Variants in F5 observed in about 807,000 individuals in gnomAD.
F5 encodes coagulation factor V, also known as activated protein c cofactor.
A neutral mutation model predicts 216.4 loss-of-function variants in F5; 138 were observed. The ratio of observed to expected loss-of-function variants is 0.64; its 90% CI spans 0.56 to 0.73. F5 has a LOEUF of 0.73. F5 is among the 30% of genes least tolerant of loss of function. The pLI, the probability that F5 is intolerant of heterozygous loss-of-function variation, is 0.00. For missense variants in F5, 2,403 were observed against 2,674.0 expected, an observed-to-expected ratio of 0.90 and a Z score of 2.24; for synonymous variants, 916 against 930.7, an observed-to-expected ratio of 0.98 and a Z score of 0.29.
intron 11 of F5, 48 bp from the exon 12 acceptor site, chr1:169,544,556 G>T (rs780645433): frequency 6.8e-7 from 1 of 1,479,482 alleles, no homozygotes; most frequent in Non-Finnish European, 9.4e-7. Flanking sequence ...CCAACAAAAG[G>T]GCATGTGTCT....
At position 169,541,466 on chromosome 1, in the gene F5, G is replaced by A. The variant is rs757623569; in HGVS notation, c.3624C>T (p.Leu1208=). Residue 1208 remains leucine (L), a synonymous_variant, in exon 13 of 25, where the codon CTC becomes CTT. Coordinates refer to ENST00000367797, the MANE Select transcript of F5 (RefSeq NM_000130.5). ...ELSQTNLSPD[L]SHTTLSPELI... ...GTTCTGGAGAGAGAGTCGTGTGGCT[G>A]AGGTCTGGAGAGAGGTTTGTCTGGC... 30 of 1,614,148 alleles carry A rather than the reference G, an allele frequency of 1.9e-5. No homozygotes were observed. Among genetic ancestry groups the A allele is most frequent in the Non-Finnish European group, 2.5e-5 (29 of 1,180,006 alleles).
At chr1:169,580,643 C>T (rs1660966682) in intron 2 of F5, among the ~76,000 whole-genome samples, 2 of 152,022 alleles carry the variant, frequency 1.3e-5, no homozygotes, top group Admixed American at 6.6e-5. Flanking sequence ...CTTGGCCTCC[C>T]AAAGTGCATG....
rs2239854 is a variant in F5 at position 169,556,570 on chromosome 1, G to A, written c.952+76C>T. 440,341 of 1,430,544 alleles carry A rather than the reference G, an allele frequency of 0.31. 69,629 individuals carry two copies. Among genetic ancestry groups the A allele is most frequent in the Admixed American group, 0.41 (23,169 of 56,106 alleles). 88.6% of individuals were successfully genotyped at this position (1,430,544 alleles called of 1,614,324 possible). A position where few individuals can be genotyped will look rare whatever the true frequency, so the allele number is the denominator to read the frequency against. On this transcript the variant is annotated intron_variant, in intron 6 of 24. Transcript: ENST00000367797. Reference sequence around the variant, plus strand: ...CGGTGCAGGTGGCTTGAAAGGGCAAGGGAGAAAGAGGGAGTTAGTGCATGG... The same window carrying A: ...CGGTGCAGGTGGCTTGAAAGGGCAAAGGAGAAAGAGGGAGTTAGTGCATGG...
In F5 at chr1:169,555,226, T is replaced by C. The variant is rs1206044487; in HGVS notation, c.1074A>G (p.Glu358=). 6.2e-7 allele frequency: 1 copy of C among 1,614,016 alleles called. No individual in the cohort carries two copies. The highest frequency in any genetic ancestry group is 8.5e-7 in the Non-Finnish European group (1 of 1,180,018). ...TTACAGGTGCATAGTCCCAAATGAC[T>C]TCCTCTGCAGCAATGAAGTATTCCC... ...KRWEYFIAAE[E]VIWDYAPVIP... Residue 358 remains glutamate, a synonymous_variant, in exon 7 of 25, where the codon GAA becomes GAG. Transcript: ENST00000367797.
At chr1:169,537,731 C>T (rs1402202236) in intron 13 of F5, among the ~76,000 whole-genome samples, 1 of 152,068 alleles carries the variant, frequency 6.6e-6, no homozygotes, top group East Asian at 1.9e-4. Flanking sequence ...TGAAAAGATG[C>T]TCAACATTAC....
At chr1:169,523,381 A>C (rs1659356719) in intron 20 of F5, 29 bp from the exon 21 acceptor site, 3 of 1,613,544 alleles carry the variant, frequency 1.9e-6, no homozygotes, top group Non-Finnish European at 2.5e-6. Flanking sequence ...AGTAAACAGA[A>C]CTGTCCTTGT....
intron 1 of F5, among the ~76,000 whole-genome samples, chr1:169,585,058 T>C (rs1661072298): frequency 6.6e-6 from 1 of 152,228 alleles, no homozygotes; most frequent in Non-Finnish European, 1.5e-5. Flanking sequence ...ATTCTACTCA[T>C]GAGCAGGCAA....
Position 169,586,129 on chromosome 1 carries a change from T to TAAAA in F5, c.158+96_158+99dup, listed in dbSNP as rs372224504. 8.8e-6 allele frequency: 11 copies of TAAAA among 1,248,466 alleles called. No homozygotes were observed. The African/African-American group carries it at 1.6e-4, about 18-fold the overall frequency. The allele number at this position is 1,248,466 out of a possible 1,614,324, so 77.3% of individuals were successfully genotyped here. Reference sequence around the variant, plus strand: ...TTAGTTATATTTACTTACCTGAAGTTAAAAAAAAAAAAAGCCATGACATTG... The same window carrying TAAAA: ...TTAGTTATATTTACTTACCTGAAGTTAAAAAAAAAAAAAAAAAGCCATGACATTG... On this transcript the variant is annotated intron_variant, in intron 1 of 24. Coordinates refer to ENST00000367797, the MANE Select transcript of F5 (RefSeq NM_000130.5).
intron 2 of F5, among the ~76,000 whole-genome samples, chr1:169,577,561 AT>A (rs2101843505): frequency 5.8e-4 from 2 of 3,436 alleles, no homozygotes; most frequent in Non-Finnish European, 1.1e-3. Flanking sequence ...GCTAATTTAA[AT>A]ATATATATAT....
At chr1:169,546,985 A>G (rs556018882) in intron 10 of F5, among the ~76,000 whole-genome samples, 1,671 of 76,400 alleles carry the variant, frequency 0.022, 37 homozygotes, top group African/African-American at 0.08. Flanking sequence ...AAAAAAAAAG[A>G]AAAGAAAAGA....
Position 169,514,372 on chromosome 1 carries a change from T to C in F5, c.6616A>G (p.Lys2206Glu). The change falls in exon 25 of 25, where the codon AAA (lysine) becomes GAA (glutamate). Residue 2206 changes from lysine to glutamate, a missense_variant. By Grantham distance (56) the Lys-to-Glu change is moderately conservative. Transcript: ENST00000367797. The part of the protein sequence containing the change: ...IISRFIRVIP[K>E]TWNQSIALRL... ...AGTGCAATACTTTGATTCCATGTTT[T>C]AGGAATGACACGGATAAACCTGGAA... The C allele has an allele frequency of 6.2e-7, 1 of 1,613,330 alleles. No homozygotes were observed. Among genetic ancestry groups the C allele is most frequent in the Non-Finnish European group, 8.5e-7 (1 of 1,179,496 alleles).
intron 14 of F5, among the ~76,000 whole-genome samples, chr1:169,534,172 T>G (rs1339947357): frequency 6.6e-6 from 1 of 152,026 alleles, no homozygotes; most frequent in East Asian, 1.9e-4. Flanking sequence ...ACGTGGACCC[T>G]CTTAGAGTTG....
chr1:169,556,159 A>T (rs1476802192), intron 6 of F5, among the ~76,000 whole-genome samples: 2 of 152,140 alleles, frequency 1.3e-5, no homozygotes, highest in African/African-American at 4.8e-5. Flanking sequence ...TATGCCATGT[A>T]TGATCCATTC....
intron 3 of F5, among the ~76,000 whole-genome samples, chr1:169,571,316 G>A (rs889623211): frequency 2.6e-5 from 4 of 151,972 alleles, no homozygotes; most frequent in African/African-American, 7.3e-5. Context: ...GAGCTTATCC[G>A]ATCCCAGGAA....
intron 12 of F5, among the ~76,000 whole-genome samples, 162 bp downstream of exon 12, chr1:169,544,134 T>A (rs946449755): frequency 6.6e-6 from 1 of 152,172 alleles, no homozygotes; most frequent in Non-Finnish European, 1.5e-5. Flanking sequence ...TTTAAGTCAT[T>A]AATTTCTCAA....
In F5 at chr1:169,586,363, G is replaced by C. The variant is rs1661104371; in HGVS notation, c.24C>G (p.Leu8=). 6.2e-7 allele frequency: 1 copy of C among 1,613,834 alleles called. No homozygotes were observed. The highest frequency in any genetic ancestry group is 8.5e-7 in the Non-Finnish European group (1 of 1,179,974). Residue 8 remains leucine, a synonymous_variant, in exon 1 of 25, where the codon CTC becomes CTG. Coordinates refer to ENST00000367797, the MANE Select transcript of F5 (RefSeq NM_000130.5). MFPGCPR[L]WVLVVLGTSW... ...TGGTGCCCAAGACCACCAGGACCCAGAGGCGTGGGCAGCCTGGGAACATGC... is the reference window on the plus strand; with the variant it reads ...TGGTGCCCAAGACCACCAGGACCCACAGGCGTGGGCAGCCTGGGAACATGC...
At chr1:169,577,109 AGT>A (rs1660868962) in intron 2 of F5, among the ~76,000 whole-genome samples, 1 of 152,072 alleles carries the variant, frequency 6.6e-6, no homozygotes, top group African/African-American at 2.4e-5. Context: ...CCCTCTCCTC[AGT>A]GCCCAAAGCT....
At chr1:169,549,043 T>A (rs1037431107) in intron 10 of F5, among the ~76,000 whole-genome samples, 3 of 152,182 alleles carry the variant, frequency 2.0e-5, no homozygotes, top group Admixed American at 6.5e-5. Context: ...GCCTTATGCT[T>A]CTACTACCTG....
chr1:169,532,219 T>C (rs188847867), intron 14 of F5, among the ~76,000 whole-genome samples: 60 of 152,312 alleles, frequency 3.9e-4, no homozygotes, highest in Admixed American at 1.9e-3. Flanking sequence ...GAGCCATCTA[T>C]GACAAACCTA....
Sources: gnomAD v4.1 joint callset for allele counts (sites outside exome capture counted in the v4.1 genomes callset) on GRCh38, gnomAD v4.1.1 for gene constraint, MANE v1.5 for transcripts, NCBI Gene and HGNC (gene_info 2026-07-23, HGNC 2026-07-21) for gene names.